The following MECOM variants were observed in gnomAD, a reference collection of about 807,000 sequenced individuals.
MECOM encodes the protein histone-lysine N-methyltransferase MECOM.
In MECOM, 13 loss-of-function variants were observed where a neutral mutation model predicts 116.3. That is an observed-to-expected ratio of 0.11 (90% CI 0.07 to 0.18). The LOEUF (loss-of-function observed/expected upper bound fraction) is 0.18, where lower values mean the gene tolerates loss of function less well. MECOM is among the 10% of genes least tolerant of loss of function. The probability of loss-of-function intolerance (pLI) is 1.00; values close to 1 mark genes in which losing one functional copy is unlikely to be tolerated. For synonymous variants in MECOM, 528 were observed against 535.2 expected (o/e 0.99, Z 0.19); for missense variants, 1,299 against 1,509.0 (o/e 0.86, Z 2.31).
At chr3:169,173,155 A>G (rs1744688723) in intron 2 of MECOM, among the ~76,000 whole-genome samples, 1 of 152,156 alleles carries the variant, frequency 6.6e-6, no homozygotes, top group African/African-American at 2.4e-5. Flanking sequence ...AGCATTTGAT[A>G]CTAACAACCA....
In MECOM at chr3:169,472,599, AAAGGAAAGGAAAGG is replaced by A. The variant is rs1749634145; in HGVS notation, c.38-91089_38-91076del. ...AGAGGAGAGGAAAGGAAAGGAAAGG[AAAGGAAAGGAAAGG>A]AAAGAAAAGAAAAGAAAAGAAAAGG... is the stretch of plus-strand genomic sequence containing the variant. On this transcript the variant is annotated intron_variant, in intron 1 of 16. Coordinates refer to ENST00000651503, the MANE Select transcript of MECOM (RefSeq NM_004991.4). Among the ~76,000 whole-genome samples the A allele has an allele frequency of 2.1e-4, 14 of 65,834 alleles. 1 individual carries two copies. The highest frequency in any genetic ancestry group is 1.3e-3 in the African/African-American group (12 of 8,996). 43.2% of individuals were successfully genotyped at this position (65,834 alleles called of 152,430 possible).
chr3:169,553,798 G>C (rs1014895953), intron 1 of MECOM, among the ~76,000 whole-genome samples: 2 of 152,054 alleles, frequency 1.3e-5, no homozygotes, highest in Non-Finnish European at 2.9e-5. Flanking sequence ...ACACATCTCT[G>C]GTGTCTCTCT....
chr3:169,155,759 C>G (rs375255476), intron 2 of MECOM, among the ~76,000 whole-genome samples: 1 of 152,104 alleles, frequency 6.6e-6, no homozygotes, highest in East Asian at 1.9e-4. Flanking sequence ...ATCTTTAGCA[C>G]TGGTTAACAA....
chr3:169,191,787 A>G (rs911061688), intron 2 of MECOM, among the ~76,000 whole-genome samples: 4 of 146,794 alleles, frequency 2.7e-5, no homozygotes, highest in African/African-American at 1.0e-4. Flanking sequence ...AGAAAGAAAG[A>G]AAGAAAGGGA....
chr3:169,160,910 C>A (rs181724764), intron 2 of MECOM, among the ~76,000 whole-genome samples: 1 of 152,232 alleles, frequency 6.6e-6, no homozygotes, highest in Admixed American at 6.5e-5. Context: ...AAAGGAAGGA[C>A]AATATACAAG....
intron 2 of MECOM, among the ~76,000 whole-genome samples, chr3:169,153,421 G>A (rs907928454): frequency 1.3e-5 from 2 of 152,030 alleles, no homozygotes; most frequent in African/African-American, 4.8e-5. Context: ...CTTTGCTTAC[G>A]ATTATCATTA....
At chr3:169,542,194 T>C (rs984783329) in intron 1 of MECOM, among the ~76,000 whole-genome samples, 4 of 152,154 alleles carry the variant, frequency 2.6e-5, no homozygotes, top group Non-Finnish European at 4.4e-5. Context: ...AATATACTCT[T>C]TTTTAAAATA....
At position 169,266,783 on chromosome 3, in the gene MECOM, A is replaced by T. The variant is rs1426128760; in HGVS notation, c.375+114404T>A. Among the ~76,000 whole-genome samples, 3 of 152,230 alleles carry T rather than the reference A, an allele frequency of 2.0e-5. No individual in the cohort carries two copies. The East Asian group carries it at 5.8e-4, about 29-fold the overall frequency. On this transcript the variant is annotated intron_variant, in intron 2 of 16. Coordinates refer to ENST00000651503, the MANE Select transcript of MECOM (RefSeq NM_004991.4). ...CTTAATATGAAGTATAAGGGCACAG[A>T]GACAAGAAGTTGCCTATTCAATATC...
chr3:169,221,638 A>G (rs1212240765), intron 2 of MECOM, among the ~76,000 whole-genome samples: 4 of 151,952 alleles, frequency 2.6e-5, no homozygotes, highest in Non-Finnish European at 5.9e-5. Flanking sequence ...GGTTGGGCTA[A>G]GTGATCACTA....
At chr3:169,503,224 C>G (rs545002353) in intron 1 of MECOM, among the ~76,000 whole-genome samples, 55 of 152,168 alleles carry the variant, frequency 3.6e-4, no homozygotes, top group African/African-American at 1.2e-3. Context: ...TTTTTCTGTG[C>G]ATACCATATA....
chr3:169,319,989 G>C (rs1403407142), intron 2 of MECOM, among the ~76,000 whole-genome samples: 1 of 152,214 alleles, frequency 6.6e-6, no homozygotes, highest in Non-Finnish European at 1.5e-5. Flanking sequence ...TTAACAAGAG[G>C]TCGTACGGTG....
At chr3:169,656,886 A>G (rs1274934204) in intron 1 of MECOM, among the ~76,000 whole-genome samples, 3 of 152,258 alleles carry the variant, frequency 2.0e-5, no homozygotes, top group Admixed American at 2.0e-4. Flanking sequence ...TCTTAGAACA[A>G]CTATGTTTCT....
At chr3:169,657,199 A>G (rs1775639352) in intron 1 of MECOM, among the ~76,000 whole-genome samples, 1 of 152,238 alleles carries the variant, frequency 6.6e-6, no homozygotes, top group African/African-American at 2.4e-5. Flanking sequence ...TAAATACACT[A>G]AAGTTACACA....
chr3:169,284,925 C>A (rs1712953275), intron 2 of MECOM, among the ~76,000 whole-genome samples: 1 of 152,130 alleles, frequency 6.6e-6, no homozygotes, highest in Admixed American at 6.5e-5. Flanking sequence ...CGGGCAGTGA[C>A]CCCACCTTTC....
Position 169,102,244 on chromosome 3 carries a change from A to G in MECOM, c.2605-18T>C. The G allele has an allele frequency of 6.3e-7, 1 of 1,595,972 alleles. No individual in the cohort carries two copies. Among genetic ancestry groups the G allele is most frequent in the Non-Finnish European group, 8.6e-7 (1 of 1,168,942 alleles). On this transcript the variant is annotated intron_variant, in intron 10 of 16. Transcript: ENST00000651503. The stretch of plus-strand genomic sequence containing the variant: ...GCTGACATCTGAAAGGTAAAAGCAC[A>G]AGACCATGAAGCGTTTGGCATCTTG...
rs1768281412 is a variant in MECOM at position 169,604,721 on chromosome 3, C to T, written c.37+58615G>A. On this transcript the variant is annotated intron_variant, in intron 1 of 16. Coordinates refer to ENST00000651503, the MANE Select transcript of MECOM (RefSeq NM_004991.4). ...GCTGCCCTCTGAAAGGGCCCCAAAA[C>T]ATCTTAAGAAACTCAAGAGGGACTT... Among the ~76,000 whole-genome samples, 3 of 152,108 alleles carry T rather than the reference C, an allele frequency of 2.0e-5. No individual in the cohort carries two copies. The South Asian group carries it at 6.2e-4, about 32-fold the overall frequency.
intron 1 of MECOM, chr3:169,477,158 C>CAT (rs1750624958): frequency 3.4e-5 from 4 of 117,892 alleles, no homozygotes; most frequent in Admixed American, 9.0e-5. Context: ...TACACACACA[C>CAT]ACAATTTCAT....
chr3:169,285,950 T>C (rs1477213510), intron 2 of MECOM, among the ~76,000 whole-genome samples: 2 of 152,236 alleles, frequency 1.3e-5, no homozygotes, highest in Non-Finnish European at 2.9e-5. Flanking sequence ...TACTTTTGTG[T>C]GTTTAATGTA....
Position 169,441,744 on chromosome 3 carries a change from T to TTTG in MECOM, c.38-60221_38-60220insCAA, listed in dbSNP as rs1237906532. On this transcript the variant is annotated intron_variant, in intron 1 of 16. Transcript: ENST00000651503. ...TCTTCTCTTCTTTTTTTTTTTTTTT[T>TTTG]AAAAAAGGGGGGGTCTTGCTCTGTC... Among the ~76,000 whole-genome samples, 7 of 142,104 alleles carry TTTG rather than the reference T, an allele frequency of 4.9e-5. 2 individuals are homozygous for TTTG. The highest frequency in any genetic ancestry group is 2.1e-4 in the East Asian group (1 of 4,670). 93.2% of individuals were successfully genotyped at this position (142,104 alleles called of 152,430 possible).
Sources: allele counts gnomAD v4.1 joint callset (sites outside exome capture counted in the v4.1 genomes callset), GRCh38; gene constraint gnomAD v4.1.1; transcripts MANE v1.5; gene names NCBI Gene and HGNC (gene_info 2026-07-23, HGNC 2026-07-21).